The following FARSB variants were observed in gnomAD, a reference collection of about 807,000 sequenced individuals.
FARSB encodes the protein phenylalanyl-tRNA synthetase subunit beta.
A neutral mutation model predicts 69.6 loss-of-function variants in FARSB; 40 were observed. The observed-to-expected ratio is 0.57, with a 90% confidence interval of 0.45 to 0.75. The LOEUF is 0.75. FARSB is among the 30% of genes least tolerant of loss of function. The probability of loss-of-function intolerance (pLI) is 0.00; values close to 1 mark genes in which losing one functional copy is unlikely to be tolerated. For synonymous variants in FARSB, 235 were observed against 247.2 expected (o/e 0.95, Z 0.46); for missense variants, 632 against 722.9 (o/e 0.87, Z 1.44).
At chr2:222,614,044 A>C (rs1690934727) in intron 14 of FARSB, 116 bp from the exon 15 acceptor site, 1 of 536,672 alleles carries the variant, frequency 1.9e-6, no homozygotes, top group East Asian at 2.9e-5. Context: ...ACTTCTGGAA[A>C]ATGCATTGCC....
In FARSB at chr2:222,570,525, C is replaced by A. The variant is rs1406506176; in HGVS notation, c.*1346G>T. ...ATTTCACTATCTTTGTTAGCTACTT[C>A]TTCTTTTTTTTTTTTGTAGACAGAA... is the stretch of plus-strand genomic sequence containing the variant. On this transcript the variant is annotated 3_prime_UTR_variant, in exon 17 of 17. Transcript: ENST00000281828. The A allele has an allele frequency of 6.6e-6, 1 of 150,632 alleles. No individual in the cohort carries two copies. Among genetic ancestry groups the A allele is most frequent in the Non-Finnish European group, 1.5e-5 (1 of 67,782 alleles). The allele number at this position is 150,632 out of a possible 1,614,324, so 9.3% of individuals were successfully genotyped here.
intron 15 of FARSB, among the ~76,000 whole-genome samples, chr2:222,608,139 A>G (rs1690754713): frequency 6.6e-6 from 1 of 152,162 alleles, no homozygotes; most frequent in Non-Finnish European, 1.5e-5. Flanking sequence ...GTTAATGTCG[A>G]TGCTCCTTAC....
rs1024138203 is a variant in FARSB, at chr2:222,567,091, T to C, written c.*4780A>G. Reference sequence around the variant, plus strand: ...GAGAAACAGAGCAAGCTCTCTGGTGTTTCTTCTTATCAGGCCACTGAGCCT... The same window carrying C: ...GAGAAACAGAGCAAGCTCTCTGGTGCTTCTTCTTATCAGGCCACTGAGCCT... On this transcript the variant is annotated 3_prime_UTR_variant, in exon 17 of 17. Coordinates refer to ENST00000281828, the MANE Select transcript of FARSB (RefSeq NM_005687.5). 6.6e-6 allele frequency: 1 copy of C among 152,204 alleles called. No homozygotes were observed. Among genetic ancestry groups the C allele is most frequent in the Non-Finnish European group, 1.5e-5 (1 of 68,060 alleles). 9.4% of individuals were successfully genotyped at this position (152,204 alleles called of 1,614,324 possible). A position where few individuals can be genotyped will look rare whatever the true frequency, so the allele number is the denominator to read the frequency against.
intron 16 of FARSB, among the ~76,000 whole-genome samples, chr2:222,583,667 T>C (rs1690029557): frequency 6.6e-6 from 1 of 152,124 alleles, no homozygotes; most frequent in Admixed American, 6.5e-5. Context: ...ATTGATATGG[T>C]TTGGCTGTGT....
intron 16 of FARSB, among the ~76,000 whole-genome samples, chr2:222,582,489 G>C (rs920713754): frequency 6.6e-6 from 1 of 152,114 alleles, no homozygotes; most frequent in Admixed American, 6.6e-5. Context: ...TTCTCTCTAC[G>C]TCCCTTATTT....
chr2:222,583,473 A>ATGCC lies in FARSB; in HGVS notation c.1619-11455_1619-11452dup, dbSNP rs575563591. Among the ~76,000 whole-genome samples, 236 of 152,350 alleles carry ATGCC rather than the reference A, an allele frequency of 1.5e-3. 1 individual carries two copies. Among genetic ancestry groups the ATGCC allele is most frequent in the Admixed American group, 0.014 (207 of 15,300 alleles). ...TTACTTCTCTACCATTCCTCCAAAG[A>ATGCC]TGCCTAACAGGAATTTAATTAGTGA... On this transcript the variant is annotated intron_variant, in intron 16 of 16. Coordinates refer to ENST00000281828, the MANE Select transcript of FARSB (RefSeq NM_005687.5).
At chr2:222,655,043 A>G (rs1692135931) in intron 1 of FARSB, among the ~76,000 whole-genome samples, 1 of 151,914 alleles carries the variant, frequency 6.6e-6, no homozygotes, top group South Asian at 2.1e-4. Context: ...TAAAAATACA[A>G]AAAAATTACT....
intron 2 of FARSB, among the ~76,000 whole-genome samples, chr2:222,643,349 G>T (rs979870450): frequency 6.6e-6 from 1 of 152,064 alleles, no homozygotes; most frequent in African/African-American, 2.4e-5. Context: ...AACACAGACA[G>T]ACCCATTCAT....
In FARSB at chr2:222,642,998, T is replaced by C. The variant is rs747448704; in HGVS notation, c.122A>G (p.Glu41Gly). ...FGLELDEITS[E>G]KEIISKEQGN... ...TTGTTCTTTACTTATTATTTCCTTC[T>C]CAGATGTCTAAAACAAGCCAAAAAG... Residue 41 changes from glutamate to glycine, a missense_variant, in exon 3 of 17, where the codon GAG (glutamate) becomes GGG (glycine). Physicochemically the swap from Glu to Gly is moderately conservative, Grantham distance 98. Coordinates refer to ENST00000281828, the MANE Select transcript of FARSB (RefSeq NM_005687.5). The C allele has an allele frequency of 6.3e-6, 10 of 1,586,492 alleles. No homozygotes were observed. The Admixed American group carries it at 1.3e-4, about 20-fold the overall frequency.
intron 15 of FARSB, among the ~76,000 whole-genome samples, chr2:222,606,361 AG>A (rs76604645): frequency 0.15 from 22,280 of 152,192 alleles, 2,555 homozygotes; most frequent in East Asian, 0.56. Context: ...ACTACATCAT[AG>A]AAAGTCCACT....
intron 16 of FARSB, among the ~76,000 whole-genome samples, chr2:222,585,460 C>T (rs999249230): frequency 6.6e-6 from 1 of 152,224 alleles, no homozygotes; most frequent in Non-Finnish European, 1.5e-5. Context: ...CAGAGCACCT[C>T]TTCTCTTCCA....
At chr2:222,648,881 A>G in intron 1 of FARSB, 86 bp from the exon 2 acceptor site, 1 of 868,416 alleles carries the variant, frequency 1.2e-6, no homozygotes, top group South Asian at 1.3e-5. Context: ...CTTATTACTA[A>G]TTGCCTTACA....
At chr2:222,606,624 G>A (rs1690710467) in intron 15 of FARSB, among the ~76,000 whole-genome samples, 1 of 152,188 alleles carries the variant, frequency 6.6e-6, no homozygotes, top group African/African-American at 2.4e-5. Context: ...AATTCTATAA[G>A]ATGAAAGAAC....
At chr2:222,596,815 TACAC>T (rs1295155589) in intron 16 of FARSB, among the ~76,000 whole-genome samples, 3 of 152,108 alleles carry the variant, frequency 2.0e-5, no homozygotes, top group African/African-American at 7.2e-5. Context: ...GTATTTTATA[TACAC>T]ACACACAAAC....
intron 13 of FARSB, among the ~76,000 whole-genome samples, 165 bp from the exon 14 acceptor site, chr2:222,619,902 A>T (rs1691097970): frequency 6.6e-6 from 1 of 152,204 alleles, no homozygotes. Context: ...AATAATAATA[A>T]TAATAAAAAA....
intron 14 of FARSB, 125 bp from the exon 15 acceptor site, chr2:222,614,053 C>A (rs1331576586): frequency 2.0e-6 from 1 of 496,678 alleles, no homozygotes; most frequent in Non-Finnish European, 3.6e-6. Context: ...AAATGCATTG[C>A]CCTAAAATAT....
rs112618905 is a variant in FARSB, at chr2:222,599,198, G to A, written c.1618+730C>T. Among the ~76,000 whole-genome samples, 1,184 of 152,298 alleles carry A rather than the reference G, an allele frequency of 7.8e-3. 10 individuals carry two copies. Among genetic ancestry groups the A allele is most frequent in the African/African-American group, 0.027 (1,130 of 41,568 alleles). Reference sequence around the variant, plus strand: ...GCCAAATAGAGTTATAAAGCACAGTGAGGTAAACGGTAGGAATAAGTGGTG... The same window carrying A: ...GCCAAATAGAGTTATAAAGCACAGTAAGGTAAACGGTAGGAATAAGTGGTG... On this transcript the variant is annotated intron_variant, in intron 16 of 16. Transcript: ENST00000281828.
chr2:222,599,849 A>G, intron 16 of FARSB, 79 bp downstream of exon 16: 1 of 1,179,840 alleles, frequency 8.5e-7, no homozygotes, highest in Non-Finnish European at 1.2e-6. Flanking sequence ...CCAAATCAAA[A>G]CTACCAACTT....
At chr2:222,598,218 G>T (rs958385428) in intron 16 of FARSB, among the ~76,000 whole-genome samples, 3 of 152,184 alleles carry the variant, frequency 2.0e-5, no homozygotes, top group Non-Finnish European at 4.4e-5. Context: ...GTATGTGGTG[G>T]TCTTTTCCCT....
Sources: allele counts gnomAD v4.1 joint callset (sites outside exome capture counted in the v4.1 genomes callset), GRCh38; gene constraint gnomAD v4.1.1; transcripts MANE v1.5; gene names NCBI Gene and HGNC (gene_info 2026-07-23, HGNC 2026-07-21).